Variants in MITF observed in about 807,000 individuals in gnomAD.
MITF encodes microphthalmia-associated transcription factor.
Under a neutral mutation model 60.5 loss-of-function variants are expected in MITF, and 17 were observed. The observed-to-expected ratio is 0.28, with a 90% confidence interval of 0.19 to 0.42. The LOEUF is 0.42. MITF is among the 10% of genes least tolerant of loss of function. The probability of loss-of-function intolerance (pLI) is 1.00; values close to 1 mark genes in which losing one functional copy is unlikely to be tolerated. For missense variants in MITF, 622 were observed against 683.5 expected, an observed-to-expected ratio of 0.91 and a Z score of 1.00; for synonymous variants, 260 against 248.5, an observed-to-expected ratio of 1.05 and a Z score of -0.43.
At chr3:69,883,527 T>C (rs1188476225) in intron 2 of MITF, among the ~76,000 whole-genome samples, 7 of 152,194 alleles carry the variant, frequency 4.6e-5, no homozygotes, top group Non-Finnish European at 8.8e-5. Context: ...AGGTGTGATT[T>C]ATTTTTTAGG....
chr3:69,914,026 G>A (rs1468846502), intron 2 of MITF, among the ~76,000 whole-genome samples: 1 of 152,078 alleles, frequency 6.6e-6, no homozygotes, highest in Non-Finnish European at 1.5e-5. Flanking sequence ...TTTCTGCTGT[G>A]GTTGCCTTCC....
chr3:69,953,662 T>TATATATAGAG (rs1250294181), intron 7 of MITF, among the ~76,000 whole-genome samples: 8 of 136,570 alleles, frequency 5.9e-5, no homozygotes, highest in African/African-American at 2.1e-4. Flanking sequence ...TATATATATA[T>TATATATAGAG]AGAGAGAGAG....
chr3:69,870,441 T>TA (rs1234044352), intron 1 of MITF, among the ~76,000 whole-genome samples: 80 of 131,240 alleles, frequency 6.1e-4, no homozygotes, highest in South Asian at 2.1e-3. Context: ...TATATATATA[T>TA]TTTTTTTTTT....
chr3:69,885,429 T>C (rs1012811902), intron 2 of MITF, among the ~76,000 whole-genome samples: 4 of 151,958 alleles, frequency 2.6e-5, no homozygotes, highest in Non-Finnish European at 4.4e-5. Flanking sequence ...GGCCTGGAAG[T>C]GAGGGCTAAA....
Position 69,937,365 on chromosome 3 carries a change from GGTGTGTGT to G in MITF, c.355-424_355-417del, listed in dbSNP as rs56689910. On this transcript the variant is annotated intron_variant, in intron 2 of 9. Transcript: ENST00000352241. ...ATTTTACACAGTTGGTTCTTAAGGA[GGTGTGTGT>G]GTGTGTGTGTGTGTGTGTGTGTGTG... Among the ~76,000 whole-genome samples, 1,230 of 142,194 alleles carry G rather than the reference GGTGTGTGT, an allele frequency of 8.7e-3. 16 individuals carry two copies. The highest frequency in any genetic ancestry group is 0.03 in the African/African-American group (1,151 of 38,802). The allele number at this position is 142,194 out of a possible 152,430, so 93.3% of individuals were successfully genotyped here.
At position 69,932,731 on chromosome 3, in the gene MITF, G is replaced by C. The variant is rs554442831; in HGVS notation, c.355-5091G>C. 3.9e-5 allele frequency among the ~76,000 whole-genome samples: 6 copies of C among 152,272 alleles called. No individual in the cohort carries two copies. In the South Asian group the frequency reaches 1.0e-3, roughly 26 times the overall value. ...TTTGTGGTAATGTAATTGTGGGACT[G>C]AAAAGAACCTCGACACTTAATCAGA... On this transcript the variant is annotated intron_variant, in intron 2 of 9. Coordinates refer to ENST00000352241, the MANE Select transcript of MITF (RefSeq NM_001354604.2).
At chr3:69,954,054 A>G (rs545394581) in intron 7 of MITF, among the ~76,000 whole-genome samples, 76 of 152,166 alleles carry the variant, frequency 5.0e-4, no homozygotes, top group African/African-American at 1.7e-3. Context: ...ACACCTTTGT[A>G]TTTTTTGAAA....
intron 2 of MITF, among the ~76,000 whole-genome samples, chr3:69,883,773 C>G (rs1211612510): frequency 1.3e-5 from 2 of 152,158 alleles, no homozygotes; most frequent in Non-Finnish European, 2.9e-5. Flanking sequence ...AGAGGTGTCA[C>G]TCTCATAAGG....
intron 1 of MITF, among the ~76,000 whole-genome samples, chr3:69,786,025 T>C (rs1338471232): frequency 1.3e-5 from 2 of 152,204 alleles, no homozygotes; most frequent in Admixed American, 6.5e-5. Context: ...TTGGAAATTG[T>C]ACATTCTAAC....
At chr3:69,904,016 G>T (rs2065046917) in intron 2 of MITF, among the ~76,000 whole-genome samples, 1 of 152,136 alleles carries the variant, frequency 6.6e-6, no homozygotes, top group African/African-American at 2.4e-5. Flanking sequence ...CTCAACACAT[G>T]TCAGTGGCTG....
intron 1 of MITF, among the ~76,000 whole-genome samples, chr3:69,819,638 C>CAAAACA (rs553917313): frequency 5.1e-5 from 6 of 116,874 alleles, no homozygotes; most frequent in Non-Finnish European, 1.0e-4. Context: ...CAAAACAAAA[C>CAAAACA]AAACAAACAA....
chr3:69,936,820 T>A (rs927596720), intron 2 of MITF: 18 of 1,480,904 alleles, frequency 1.2e-5, no homozygotes, highest in Admixed American at 1.7e-5. Context: ...TTTAATCCAC[T>A]TTTTGTTATT....
intron 1 of MITF, among the ~76,000 whole-genome samples, chr3:69,837,296 C>T (rs779897460): frequency 2.6e-5 from 4 of 152,176 alleles, no homozygotes; most frequent in Non-Finnish European, 4.4e-5. Context: ...AAAGATAATA[C>T]GTGTCCACTT....
chr3:69,837,941 G>A (rs1482293505), intron 1 of MITF, among the ~76,000 whole-genome samples: 1 of 152,154 alleles, frequency 6.6e-6, no homozygotes, highest in Non-Finnish European at 1.5e-5. Context: ...GTGTATTTGT[G>A]TATACACACT....
chr3:69,923,506 G>A (rs760059151), intron 2 of MITF, among the ~76,000 whole-genome samples: 4 of 152,094 alleles, frequency 2.6e-5, no homozygotes, highest in African/African-American at 9.7e-5. Context: ...CACCACACCA[G>A]GCTAATTTTT....
intron 7 of MITF, 22 bp from the exon 8 acceptor site, chr3:69,956,433 T>C: frequency 1.3e-6 from 2 of 1,599,310 alleles, no homozygotes; most frequent in Non-Finnish European, 1.7e-6. Context: ...CTAATAGCCT[T>C]TCCTGTGCTC....
At chr3:69,793,145 C>G (rs1302024664) in intron 1 of MITF, among the ~76,000 whole-genome samples, 1 of 151,432 alleles carries the variant, frequency 6.6e-6, no homozygotes, top group South Asian at 2.1e-4. Flanking sequence ...TCCTGAGTAG[C>G]TGGAACTATA....
chr3:69,940,648 G>A (rs1180629757), intron 4 of MITF, among the ~76,000 whole-genome samples: 1 of 152,168 alleles, frequency 6.6e-6, no homozygotes, highest in African/African-American at 2.4e-5. Flanking sequence ...AGTGGCCTGG[G>A]AGCCACAGTG....
chr3:69,925,635 G>A (rs2065568454), intron 2 of MITF, among the ~76,000 whole-genome samples: 1 of 152,078 alleles, frequency 6.6e-6, no homozygotes, highest in Non-Finnish European at 1.5e-5. Flanking sequence ...CCTTTCAATG[G>A]CCTGCAAAGC....
Sources: gnomAD v4.1 joint callset for allele counts (sites outside exome capture counted in the v4.1 genomes callset) on GRCh38, gnomAD v4.1.1 for gene constraint, MANE v1.5 for transcripts, NCBI Gene and HGNC (gene_info 2026-07-23, HGNC 2026-07-21) for gene names.